Variants in SFMBT1 observed in about 807,000 individuals in gnomAD.
SFMBT1 encodes Scm like with four mbt domains 1, also known as scm-like with four MBT domains protein 1.
Under a neutral mutation model 108.7 loss-of-function variants are expected in SFMBT1, and 32 were observed. The observed-to-expected ratio is 0.29, with a 90% confidence interval of 0.22 to 0.40. The LOEUF is 0.40. Ranked by LOEUF, SFMBT1 falls within the 10% of genes least tolerant of loss-of-function variation. The probability of loss-of-function intolerance (pLI) is 1.00; values close to 1 mark genes in which losing one functional copy is unlikely to be tolerated. For synonymous variants in SFMBT1, 348 were observed against 369.5 expected (o/e 0.94, Z 0.67); for missense variants, 816 against 1,059.6 (o/e 0.77, Z 3.19).
chr3:52,945,961 A>G (rs977456874), intron 3 of SFMBT1, among the ~76,000 whole-genome samples: 1 of 152,220 alleles, frequency 6.6e-6, no homozygotes, highest in African/African-American at 2.4e-5. Flanking sequence ...AAACAGCAAC[A>G]TTACAGTGAA....
At chr3:53,021,193 A>C (rs1699294573) in intron 1 of SFMBT1, among the ~76,000 whole-genome samples, 1 of 152,260 alleles carries the variant, frequency 6.6e-6, no homozygotes, top group East Asian at 1.9e-4. Context: ...TTCTAACGAA[A>C]GACCAAATTC....
At chr3:52,921,664 G>GA (rs1559511271) in intron 11 of SFMBT1, 41 bp downstream of exon 11, 1 of 1,602,772 alleles carries the variant, frequency 6.2e-7, no homozygotes, top group Middle Eastern at 1.7e-4. Flanking sequence ...AAGCTCAAAG[G>GA]AGAGTGGCCA....
chr3:53,032,863 TG>T (rs1699733457), intron 1 of SFMBT1, among the ~76,000 whole-genome samples: 1 of 152,200 alleles, frequency 6.6e-6, no homozygotes, highest in Non-Finnish European at 1.5e-5. Flanking sequence ...GGGTGGTTAA[TG>T]CAACCTGAGG....
chr3:52,997,320 G>A lies in SFMBT1; in HGVS notation c.-130-28062C>T, dbSNP rs147484261. ...TGGGAGGCCGAGGGGGGCGGATCAC[G>A]AGGTCAGGAGATCGGTACCATCCTG... On this transcript the variant is annotated intron_variant, in intron 1 of 20. Coordinates refer to ENST00000394752, the MANE Select transcript of SFMBT1 (RefSeq NM_016329.4). Among the ~76,000 whole-genome samples the A allele has an allele frequency of 3.3e-3, 490 of 149,900 alleles. 5 individuals carry two copies. The highest frequency in any genetic ancestry group is 0.011 in the African/African-American group (472 of 41,320).
chr3:53,008,068 G>A (rs549070402), intron 1 of SFMBT1, among the ~76,000 whole-genome samples: 157 of 95,718 alleles, frequency 1.6e-3, no homozygotes, highest in African/African-American at 5.3e-3. Flanking sequence ...CCCCACCCCC[G>A]CAAAAAAAAA....
chr3:52,949,665 G>A (rs1412166861), intron 3 of SFMBT1, among the ~76,000 whole-genome samples: 1 of 128,506 alleles, frequency 7.8e-6, no homozygotes, highest in African/African-American at 3.0e-5. Flanking sequence ...CGCAACCTCC[G>A]CCTCCTAGAT....
chr3:52,917,811 C>G (rs1250169292), intron 13 of SFMBT1, among the ~76,000 whole-genome samples: 1 of 152,152 alleles, frequency 6.6e-6, no homozygotes, highest in Non-Finnish European at 1.5e-5. Context: ...CAAAACCATT[C>G]CCCACCCCAG....
chr3:52,949,240 A>G (rs763801971), intron 3 of SFMBT1, among the ~76,000 whole-genome samples: 8 of 152,114 alleles, frequency 5.3e-5, no homozygotes, highest in Non-Finnish European at 1.2e-4. Context: ...GGTGTGGTCT[A>G]TCTTTGTGAA....
chr3:52,919,362 G>A (rs1048967706), intron 12 of SFMBT1, among the ~76,000 whole-genome samples: 3 of 152,040 alleles, frequency 2.0e-5, no homozygotes, highest in Non-Finnish European at 2.9e-5. Flanking sequence ...AATAAAGAAC[G>A]GACACACACT....
Position 52,932,141 on chromosome 3 carries a change from A to G in SFMBT1, c.621T>C (p.His207=), listed in dbSNP as rs1702878387. The change falls in exon 6 of 21, where the codon CAT becomes CAC. Residue 207 remains histidine, a synonymous_variant. Transcript: ENST00000394752. ...GAAATGGATCCAAGTAATACAACCA[A>G]TGTTCATAATTGTCAGAACTTTCAA... ...EGLESSDNYE[H]WLYYLDPFLH... 1.9e-6 allele frequency: 3 copies of G among 1,614,146 alleles called. No individual in the cohort carries two copies. In the East Asian group the frequency reaches 6.7e-5, roughly 36 times the overall value.
chr3:53,032,164 G>A (rs189369000), intron 1 of SFMBT1, among the ~76,000 whole-genome samples: 1 of 152,166 alleles, frequency 6.6e-6, no homozygotes, highest in Non-Finnish European at 1.5e-5. Flanking sequence ...GAGGTCAGGG[G>A]TTCAAGACCA....
At chr3:52,979,142 A>C (rs1704620616) in intron 1 of SFMBT1, among the ~76,000 whole-genome samples, 1 of 152,202 alleles carries the variant, frequency 6.6e-6, no homozygotes, top group African/African-American at 2.4e-5. Flanking sequence ...CTTATATTCA[A>C]GGACATAACT....
chr3:52,940,184 C>G (rs1029647061), intron 4 of SFMBT1, among the ~76,000 whole-genome samples: 1 of 152,182 alleles, frequency 6.6e-6, no homozygotes, highest in Non-Finnish European at 1.5e-5. Flanking sequence ...CTAGAGCTCT[C>G]TCTTCTATTG....
At chr3:52,960,076 G>A (rs980353786) in intron 2 of SFMBT1, among the ~76,000 whole-genome samples, 13 of 151,806 alleles carry the variant, frequency 8.6e-5, no homozygotes, top group African/African-American at 3.1e-4. Context: ...CCCTTCAATG[G>A]AATACTACTA....
intron 1 of SFMBT1, chr3:53,018,324 G>T (rs955928938): frequency 3.9e-5 from 6 of 152,048 alleles, no homozygotes; most frequent in African/African-American, 1.4e-4. Context: ...ACAATATGAA[G>T]GCCAAGAACT....
chr3:52,946,498 T>C (rs1307186118), intron 3 of SFMBT1, among the ~76,000 whole-genome samples: 1 of 152,266 alleles, frequency 6.6e-6, no homozygotes, highest in African/African-American at 2.4e-5. Flanking sequence ...TTATTCATGC[T>C]GTTGCATGTA....
At chr3:53,022,449 CAAAAAAA>C (rs34744052) in intron 1 of SFMBT1, among the ~76,000 whole-genome samples, 25 of 40,648 alleles carry the variant, frequency 6.2e-4, no homozygotes, top group Admixed American at 2.2e-3. Context: ...GGTGCTGTCT[CAAAAAAA>C]AAAAAAAAAA....
intron 3 of SFMBT1, among the ~76,000 whole-genome samples, chr3:52,948,825 A>AT (rs71615878): frequency 0.014 from 1,089 of 78,292 alleles, 59 homozygotes; most frequent in South Asian, 0.02. Context: ...CTAATTTTTA[A>AT]TTTTTTTTTT....
At chr3:52,955,760 T>C (rs1207821040) in intron 2 of SFMBT1, among the ~76,000 whole-genome samples, 1 of 152,110 alleles carries the variant, frequency 6.6e-6, no homozygotes, top group Non-Finnish European at 1.5e-5. Context: ...TCACAGCACA[T>C]TTCTACCAGA....
Sources: gnomAD v4.1 joint callset for allele counts (sites outside exome capture counted in the v4.1 genomes callset) on GRCh38, gnomAD v4.1.1 for gene constraint, MANE v1.5 for transcripts, NCBI Gene and HGNC (gene_info 2026-07-23, HGNC 2026-07-21) for gene names.